Variants in IGSF6 observed in about 807,000 individuals in gnomAD.
The protein encoded by IGSF6 is down-regulated by activation (immunoglobulin superfamily).
A neutral mutation model predicts 24.7 loss-of-function variants in IGSF6; 23 were observed. The observed-to-expected ratio is 0.93, with a 90% CI of 0.67 to 1.32. The LOEUF (loss-of-function observed/expected upper bound fraction) is 1.32, where lower values mean the gene tolerates loss of function less well. Ranked by LOEUF, IGSF6 falls within the 40% of genes most tolerant of loss-of-function variation. IGSF6 has a pLI of 0.00. For synonymous variants in IGSF6, 110 were observed against 113.7 expected (o/e 0.97, Z 0.21); for missense variants, 295 against 293.6 (o/e 1.00, Z -0.04).
chr16:21,644,385 G>A lies in IGSF6; in HGVS notation c.439C>T (p.Leu147Phe), dbSNP rs758042522. ...AGGAAGCTCCGCAGTTCCTTGCTGA[G>A]CAGCTTAATTTCTTAATGACAAAAA... ...TTLVVREIKL[L>F]SKELRSFLTA... The change falls in exon 3 of 6, where the codon CTC (leucine) becomes TTC (phenylalanine). Residue 147 changes from leucine to phenylalanine, a missense_variant. Leu to Phe is a conservative substitution (Grantham distance 22). Coordinates refer to ENST00000268389, the MANE Select transcript of IGSF6 (RefSeq NM_005849.4). 2.5e-6 allele frequency: 4 copies of A among 1,612,258 alleles called. No homozygotes were observed. In the South Asian group the frequency reaches 3.3e-5, roughly 13 times the overall value.
At chr16:21,643,404 G>A (rs1276273489) in intron 4 of IGSF6, 144 bp downstream of exon 4, 6 of 634,702 alleles carry the variant, frequency 9.5e-6, no homozygotes, top group Non-Finnish European at 1.4e-5. Context: ...TCAACAATAG[G>A]AAATAGTGTC....
chr16:21,645,288 A>T (rs1966393009), intron 2 of IGSF6, among the ~76,000 whole-genome samples: 1 of 152,144 alleles, frequency 6.6e-6, no homozygotes, highest in Admixed American at 6.5e-5. Flanking sequence ...CCCCATCTCT[A>T]CTAAAAATAC....
intron 1 of IGSF6, 185 bp downstream of exon 1, chr16:21,652,347 C>G: frequency 2.0e-6 from 1 of 489,694 alleles, no homozygotes; most frequent in Non-Finnish European, 3.6e-6. Flanking sequence ...TAATATGAAA[C>G]TTTTTCTCAG....
intron 4 of IGSF6, 136 bp downstream of exon 4, chr16:21,643,412 G>A (rs1966329952): frequency 1.6e-6 from 1 of 639,982 alleles, no homozygotes; most frequent in East Asian, 2.7e-5. Context: ...AGGAAATAGT[G>A]TCTGCAGTTG....
intron 4 of IGSF6, 95 bp from the exon 5 acceptor site, chr16:21,643,249 G>T: frequency 3.2e-6 from 3 of 925,114 alleles, no homozygotes; most frequent in Admixed American, 1.9e-5. Flanking sequence ...ATTGCCACCG[G>T]TCCCAAAAAC....
At position 21,644,348 on chromosome 16, in the gene IGSF6, A is replaced by G. The variant is rs752918572; in HGVS notation, c.476T>C (p.Val159Ala). The change falls in exon 3 of 6, where the codon GTA (valine) becomes GCA (alanine). Residue 159 changes from valine to alanine, a missense_variant. By Grantham distance (64) the Val-to-Ala change is moderately conservative. Transcript: ENST00000268389. ...KELRSFLTAL[V>A]SLLSVYVTGV... is the part of the protein sequence containing the mutation. Reference sequence around the variant, plus strand: ...GGTCACATAGACAGAGAGCAGTGATACAAGAGCTGTCAGGAAGCTCCGCAG... The same window carrying G: ...GGTCACATAGACAGAGAGCAGTGATGCAAGAGCTGTCAGGAAGCTCCGCAG... 4 of 1,614,084 alleles carry G rather than the reference A, an allele frequency of 2.5e-6. No individual in the cohort carries two copies. The highest frequency in any genetic ancestry group is 1.3e-5 in the African/African-American group (1 of 75,042).
At chr16:21,650,245 G>A (rs1966532124) in intron 1 of IGSF6, among the ~76,000 whole-genome samples, 1 of 152,146 alleles carries the variant, frequency 6.6e-6, no homozygotes, top group Admixed American at 6.5e-5. Flanking sequence ...GGTGGCTCAC[G>A]CCTGTAATCC....
intron 1 of IGSF6, among the ~76,000 whole-genome samples, chr16:21,648,659 A>G (rs1301604217): frequency 6.6e-6 from 1 of 152,232 alleles, no homozygotes; most frequent in Non-Finnish European, 1.5e-5. Flanking sequence ...GAGTGCACAA[A>G]TGGAAAGACC....
chr16:21,644,489 G>T (rs1308992617), intron 2 of IGSF6, 93 bp from the exon 3 acceptor site: 1 of 830,768 alleles, frequency 1.2e-6, no homozygotes, highest in Non-Finnish European at 2.0e-6. Context: ...CGTTTTAGAG[G>T]TGAAACGTGA....
At chr16:21,651,006 G>A (rs1472410741) in intron 1 of IGSF6, among the ~76,000 whole-genome samples, 1 of 152,170 alleles carries the variant, frequency 6.6e-6, no homozygotes, top group African/African-American at 2.4e-5. Context: ...GGCGGATCAC[G>A]AGGTCAGGAG....
chr16:21,649,358 C>A (rs1207404140), intron 1 of IGSF6, among the ~76,000 whole-genome samples: 1 of 152,082 alleles, frequency 6.6e-6, no homozygotes, highest in Admixed American at 6.6e-5. Flanking sequence ...TCTGTGGTGA[C>A]CTGATAAATG....
chr16:21,645,313 C>T (rs1444118991), intron 2 of IGSF6, among the ~76,000 whole-genome samples: 14 of 152,046 alleles, frequency 9.2e-5, no homozygotes, highest in Non-Finnish European at 1.8e-4. Context: ...ATTAGCTGGG[C>T]GTGGTCGCAC....
At chr16:21,649,503 C>T (rs1422386618) in intron 1 of IGSF6, among the ~76,000 whole-genome samples, 4 of 152,084 alleles carry the variant, frequency 2.6e-5, no homozygotes, top group Admixed American at 2.0e-4. Context: ...AGAAATACAA[C>T]CTCATGTCTC....
At chr16:21,647,517 G>A in intron 1 of IGSF6, 25 bp from the exon 2 acceptor site, 2 of 1,585,698 alleles carry the variant, frequency 1.3e-6, no homozygotes, top group Non-Finnish European at 8.6e-7. Context: ...AGATGAGTGG[G>A]TTAATGGGCC....
chr16:21,649,045 C>A (rs1040019739), intron 1 of IGSF6, among the ~76,000 whole-genome samples: 1 of 152,056 alleles, frequency 6.6e-6, no homozygotes, highest in African/African-American at 2.4e-5. Flanking sequence ...GGCTGGAGTG[C>A]AATGGTGCAA....
At chr16:21,645,469 A>G (rs1966397700) in intron 2 of IGSF6, among the ~76,000 whole-genome samples, 1 of 152,180 alleles carries the variant, frequency 6.6e-6, no homozygotes, top group Admixed American at 6.5e-5. Context: ...AAAAAAAAGA[A>G]AGAAAAATCC....
At chr16:21,643,185 C>T in intron 4 of IGSF6, 31 bp from the exon 5 acceptor site, 3 of 1,525,714 alleles carry the variant, frequency 2.0e-6, no homozygotes, top group Non-Finnish European at 2.7e-6. Flanking sequence ...AAAAAATTCT[C>T]TTTTGGGAAT....
chr16:21,652,582 C>T lies in IGSF6; in HGVS notation c.17G>A (p.Arg6Lys), dbSNP rs1269295872. The T allele has an allele frequency of 1.2e-6, 2 of 1,610,428 alleles. No homozygotes were observed. Among genetic ancestry groups the T allele is most frequent in the African/African-American group, 2.7e-5 (2 of 74,992 alleles). MGTAS[R>K]SNIARHLQTN... ...TTGCAGATGGCGAGCGATGTTGCTT[C>T]TGCTCGCAGTCCCCATTTCTGTGTA... The change falls in exon 1 of 6, where the codon AGA becomes AAA. Residue 6 changes from arginine to lysine, a missense_variant. Physicochemically the swap from Arg to Lys is conservative, Grantham distance 26. Transcript: ENST00000268389.
intron 1 of IGSF6, among the ~76,000 whole-genome samples, chr16:21,651,428 G>A (rs935916617): frequency 2.0e-5 from 3 of 152,206 alleles, no homozygotes; most frequent in Admixed American, 6.5e-5. Context: ...CCAGGTGGGT[G>A]GGACTGCAGG....
Sources: gnomAD v4.1 joint callset for allele counts (sites outside exome capture counted in the v4.1 genomes callset) on GRCh38, gnomAD v4.1.1 for gene constraint, MANE v1.5 for transcripts, NCBI Gene and HGNC (gene_info 2026-07-23, HGNC 2026-07-21) for gene names.